Variants in LPP observed in about 807,000 individuals in gnomAD.
The protein encoded by LPP is lipoma-preferred partner.
In LPP, 38 loss-of-function variants were observed where a neutral mutation model predicts 60.4. That is an observed-to-expected ratio of 0.63 (90% CI 0.49 to 0.83). The LOEUF is 0.83. Ranked by LOEUF, LPP falls within the 40% of genes least tolerant of loss-of-function variation. The pLI is 0.00. For missense variants in LPP, 902 were observed against 783.6 expected (o/e 1.15, Z -1.80); for synonymous variants, 328 against 290.8 (o/e 1.13, Z -1.30).
chr3:188,775,905 G>A (rs778125184), intron 9 of LPP, among the ~76,000 whole-genome samples: 8 of 152,214 alleles, frequency 5.3e-5, no homozygotes, highest in Non-Finnish European at 1.2e-4. Flanking sequence ...TTAGGAAAGG[G>A]AGGAGAAGAT....
Position 188,572,034 on chromosome 3 carries a change from C to A in LPP, c.430-37127C>A, listed in dbSNP as rs1276475045. Among the ~76,000 whole-genome samples the A allele has an allele frequency of 1.3e-5, 2 of 151,984 alleles. No homozygotes were observed. On this transcript the variant is annotated intron_variant, in intron 6 of 11. Transcript: ENST00000617246. This position sits in a 1 kb window ranked among gnomAD's most constrained non-coding sequence, Gnocchi z 4.1. ...AGAAAATCCTGGAGTCAATAGTGGACCCCTTTTTTATTAAGACTCTTGATG... is the reference window on the plus strand; with the variant it reads ...AGAAAATCCTGGAGTCAATAGTGGAACCCTTTTTTATTAAGACTCTTGATG...
At chr3:188,362,524 C>T (rs944126148) in intron 3 of LPP, among the ~76,000 whole-genome samples, 2 of 152,200 alleles carry the variant, frequency 1.3e-5, no homozygotes, top group African/African-American at 2.4e-5. Flanking sequence ...TTTACATCCC[C>T]TTCCATCCTT....
At chr3:188,548,415 C>G (rs1353725278) in intron 6 of LPP, among the ~76,000 whole-genome samples, 2 of 152,126 alleles carry the variant, frequency 1.3e-5, no homozygotes, top group African/African-American at 4.8e-5. Context: ...GTTTTACGCT[C>G]TCTAATATGA....
intron 9 of LPP, among the ~76,000 whole-genome samples, chr3:188,768,394 G>T (rs1352832870): frequency 1.3e-5 from 2 of 152,118 alleles, no homozygotes; most frequent in Non-Finnish European, 2.9e-5. Context: ...GAAATCCTAA[G>T]TGAAATATTA....
chr3:188,285,467 G>A (rs929283055), intron 2 of LPP, among the ~76,000 whole-genome samples: 10 of 152,126 alleles, frequency 6.6e-5, no homozygotes, highest in African/African-American at 2.2e-4. Context: ...TGTCCAGGGT[G>A]GAGTGCAGTG....
At chr3:188,537,077 A>T (rs2150341616) in intron 6 of LPP, among the ~76,000 whole-genome samples, 1 of 152,208 alleles carries the variant, frequency 6.6e-6, no homozygotes, top group East Asian at 1.9e-4. Context: ...TTAATATTCT[A>T]TGTAATATTA....
chr3:188,362,068 A>G lies in LPP; in HGVS notation c.-10+20349A>G, dbSNP rs541890743. Among the ~76,000 whole-genome samples the G allele has an allele frequency of 2.6e-4, 39 of 152,264 alleles. No individual in the cohort carries two copies. In the South Asian group the frequency reaches 4.8e-3, roughly 19 times the overall value. On this transcript the variant is annotated intron_variant, in intron 3 of 11. Transcript: ENST00000617246. ...ACAGTGCGACAAAGGAGAGGTACAG[A>G]TAGTAGGCTGTGGGCCCGAAGGAGG...
intron 9 of LPP, among the ~76,000 whole-genome samples, chr3:188,817,061 G>A (rs1268716617): frequency 6.6e-6 from 1 of 152,138 alleles, no homozygotes; most frequent in Non-Finnish European, 1.5e-5. Flanking sequence ...AATTAAGATG[G>A]GAAAATTTGG....
intron 1 of LPP, chr3:188,212,516 C>T (rs1711627100): frequency 6.6e-6 from 1 of 152,186 alleles, no homozygotes; most frequent in South Asian, 2.1e-4. Context: ...CTGACATCCT[C>T]CAGCCTGCTT....
chr3:188,308,562 C>G (rs918717201), intron 2 of LPP, among the ~76,000 whole-genome samples: 1 of 152,216 alleles, frequency 6.6e-6, no homozygotes, highest in African/African-American at 2.4e-5. Flanking sequence ...ACCGAACAAT[C>G]GAAACCAACT....
chr3:188,177,068 G>A (rs1723248180), intron 1 of LPP, among the ~76,000 whole-genome samples: 1 of 152,234 alleles, frequency 6.6e-6, no homozygotes, highest in East Asian at 1.9e-4. Flanking sequence ...CTTAGGAGAT[G>A]GCAAGTTTGG....
chr3:188,673,618 C>T (rs147519374), intron 7 of LPP, among the ~76,000 whole-genome samples: 2 of 152,052 alleles, frequency 1.3e-5, no homozygotes, highest in Non-Finnish European at 2.9e-5. Flanking sequence ...GCCAGTAGAT[C>T]GTGACCATTC....
At chr3:188,332,754 T>G (rs904493787) in intron 2 of LPP, among the ~76,000 whole-genome samples, 3 of 152,180 alleles carry the variant, frequency 2.0e-5, no homozygotes, top group Admixed American at 6.5e-5. Flanking sequence ...ATTAAGAAGC[T>G]TCTTATCGGG....
rs377423601 is a variant in LPP at position 188,610,353 on chromosome 3, C to T, written c.1113+509C>T. On this transcript the variant is annotated intron_variant, in intron 7 of 11. Transcript: ENST00000617246. The surrounding 1 kb of genome is among the most constrained non-coding windows in gnomAD (Gnocchi z 4.4). ...GCCCTGTGAAGGCGATTATAACTCC[C>T]GCAATGTTGGTACCACAGCGGTTGC... Among the ~76,000 whole-genome samples the T allele has an allele frequency of 6.6e-6, 1 of 152,264 alleles. No homozygotes were observed. The highest frequency in any genetic ancestry group is 2.4e-5 in the African/African-American group (1 of 41,546).
At chr3:188,841,836 C>T (rs554173046) in intron 9 of LPP, among the ~76,000 whole-genome samples, 3 of 152,212 alleles carry the variant, frequency 2.0e-5, no homozygotes, top group African/African-American at 2.4e-5. Flanking sequence ...CATGACTTGG[C>T]TCTCCTTTTG....
At chr3:188,657,256 G>GTATATATATATATATATATA (rs1441803027) in intron 7 of LPP, among the ~76,000 whole-genome samples, 6 of 5,782 alleles carry the variant, frequency 1.0e-3, no homozygotes, top group South Asian at 0.012. Flanking sequence ...AGCTGTCAAG[G>GTATATATATATATATATATA]TGTATATATA....
At chr3:188,504,469 C>G (rs895180969) in intron 5 of LPP, among the ~76,000 whole-genome samples, 5 of 151,988 alleles carry the variant, frequency 3.3e-5, no homozygotes, top group African/African-American at 1.2e-4. Context: ...TTGAATAGAC[C>G]GTGCTATCCT....
intron 3 of LPP, among the ~76,000 whole-genome samples, chr3:188,349,805 T>G (rs1397822590): frequency 1.3e-5 from 2 of 152,234 alleles, no homozygotes; most frequent in African/African-American, 2.4e-5. Context: ...GGACTCTGTC[T>G]GAGGCCCTCG....
chr3:188,710,517 C>G (rs1866423198), intron 8 of LPP: 1 of 152,120 alleles, frequency 6.6e-6, no homozygotes, highest in African/African-American at 2.4e-5. Context: ...AGATTAACAA[C>G]AATGCATGGA....
Sources: allele counts gnomAD v4.1 joint callset (sites outside exome capture counted in the v4.1 genomes callset), GRCh38; gene constraint gnomAD v4.1.1; non-coding constraint Gnocchi (gnomAD v3.1); transcripts MANE v1.5; gene names NCBI Gene and HGNC (gene_info 2026-07-23, HGNC 2026-07-21).